GXYLT1: variants seen among roughly 807,000 people sequenced by gnomAD.
GXYLT1 encodes the protein glycosyltransferase 8 domain containing 3.
GXYLT1 carries 29 observed loss-of-function variants against 54.0 expected under a neutral mutation model. That is an observed-to-expected ratio of 0.54 (90% CI 0.40 to 0.73). GXYLT1 has a LOEUF of 0.73. GXYLT1 is among the 30% of genes least tolerant of loss of function. GXYLT1 has a pLI of 0.00. For synonymous variants in GXYLT1, 176 were observed against 204.1 expected, an observed-to-expected ratio of 0.86 and a Z score of 1.17; for missense variants, 490 against 553.4, an observed-to-expected ratio of 0.89 and a Z score of 1.15.
At chr12:42,097,000 T>C (rs1314919148) in intron 7 of GXYLT1, among the ~76,000 whole-genome samples, 1 of 152,074 alleles carries the variant, frequency 6.6e-6, no homozygotes, top group Admixed American at 6.6e-5. Flanking sequence ...GTGAAGAGGC[T>C]CTATTGTCCA....
intron 3 of GXYLT1, among the ~76,000 whole-genome samples, chr12:42,114,429 A>G (rs1255981358): frequency 5.9e-5 from 9 of 152,210 alleles, no homozygotes; most frequent in African/African-American, 1.4e-4. Context: ...TACACGCAAT[A>G]AAACATGATA....
chr12:42,096,311 G>T (rs2065355301), intron 7 of GXYLT1, among the ~76,000 whole-genome samples: 1 of 152,062 alleles, frequency 6.6e-6, no homozygotes, highest in South Asian at 2.1e-4. Context: ...CAACAGTAGG[G>T]CAGGGAAAGT....
At chr12:42,096,838 T>G (rs565304122) in intron 7 of GXYLT1, among the ~76,000 whole-genome samples, 1 of 152,030 alleles carries the variant, frequency 6.6e-6, no homozygotes, top group Admixed American at 6.6e-5. Context: ...ACATCACCAG[T>G]GAGGGGCAGA....
intron 1 of GXYLT1, among the ~76,000 whole-genome samples, chr12:42,139,126 G>T (rs749174833): frequency 6.6e-6 from 1 of 151,836 alleles, no homozygotes; most frequent in African/African-American, 2.4e-5. Context: ...AGCCCAGAAG[G>T]TCAAGGCTGC....
chr12:42,088,317 C>T (rs932654363), intron 7 of GXYLT1, among the ~76,000 whole-genome samples: 10 of 151,992 alleles, frequency 6.6e-5, no homozygotes, highest in Admixed American at 6.6e-4. Context: ...TTTTAAAAAC[C>T]ACTCTGGCAA....
At chr12:42,102,711 G>C (rs1468418728) in intron 5 of GXYLT1, among the ~76,000 whole-genome samples, 2 of 151,960 alleles carry the variant, frequency 1.3e-5, no homozygotes, top group Non-Finnish European at 2.9e-5. Flanking sequence ...ACAGGAAAAG[G>C]CTAAGAAATA....
At position 42,087,711 on chromosome 12, in the gene GXYLT1, T is replaced by C; in HGVS notation, c.*75A>G. The C allele has an allele frequency of 9.2e-7, 1 of 1,089,994 alleles. No individual in the cohort carries two copies. Among genetic ancestry groups the C allele is most frequent in the Non-Finnish European group, 1.3e-6 (1 of 771,230 alleles). 67.5% of individuals were successfully genotyped at this position (1,089,994 alleles called of 1,614,324 possible). ...GATGAGTAATTCCTTCCTGAATACT[T>C]CATCCAAGACGATTCCTTCACACTT... On this transcript the variant is annotated 3_prime_UTR_variant, in exon 8 of 8. Transcript: ENST00000398675.
intron 1 of GXYLT1, among the ~76,000 whole-genome samples, chr12:42,139,309 T>C (rs2065638702): frequency 6.6e-6 from 1 of 152,172 alleles, no homozygotes; most frequent in South Asian, 2.1e-4. Flanking sequence ...ATTACTAGTA[T>C]TTATTAATAT....
At chr12:42,107,867 T>C (rs1055265094) in intron 4 of GXYLT1, among the ~76,000 whole-genome samples, 1 of 152,184 alleles carries the variant, frequency 6.6e-6, no homozygotes, top group Admixed American at 6.5e-5. Flanking sequence ...AGCTTCAAGT[T>C]CAATGCTGGG....
rs1046759429 is a variant in GXYLT1 at position 42,109,666 on chromosome 12, G to A, written c.512C>T (p.Thr171Ile). The A allele has an allele frequency of 8.5e-6, 13 of 1,537,248 alleles. No homozygotes were observed. Among genetic ancestry groups the A allele is most frequent in the East Asian group, 7.0e-5 (3 of 42,958 alleles). Residue 171 changes from threonine (T) to isoleucine (I), a missense_variant, in exon 4 of 8, where the codon ACA (threonine) becomes ATA (isoleucine). Thr to Ile is a moderately conservative substitution (Grantham distance 89). Transcript: ENST00000398675. ...TATGGGGTATAACGTATAATTAAAT[G>A]TTTGTAGAAATGACCAGTTGTCAAG... ...GRLDNWSFLQ[T>I]FNYTLYPITF...
chr12:42,089,635 G>A (rs771454933), intron 7 of GXYLT1, among the ~76,000 whole-genome samples: 1 of 152,094 alleles, frequency 6.6e-6, no homozygotes, highest in African/African-American at 2.4e-5. Context: ...CCAGGATTCC[G>A]TCCCAACAGT....
At chr12:42,116,391 G>A (rs961286255) in intron 3 of GXYLT1, among the ~76,000 whole-genome samples, 5 of 151,966 alleles carry the variant, frequency 3.3e-5, no homozygotes, top group African/African-American at 1.2e-4. Flanking sequence ...TCTGACAAAG[G>A]GCTAATATCC....
chr12:42,100,827 C>T (rs1321250054), intron 5 of GXYLT1, among the ~76,000 whole-genome samples: 1 of 152,016 alleles, frequency 6.6e-6, no homozygotes, highest in Non-Finnish European at 1.5e-5. Flanking sequence ...ACAGACAGAA[C>T]TGGTGGAGCC....
intron 3 of GXYLT1, among the ~76,000 whole-genome samples, chr12:42,114,149 C>T (rs1616271): frequency 0.77 from 117,290 of 152,156 alleles, 45,587 homozygotes; most frequent in African/African-American, 0.85. Context: ...GGGAAATTTA[C>T]ACCACTAAAT....
At chr12:42,136,787 C>CATACATACATAT (rs1269851712) in intron 1 of GXYLT1, among the ~76,000 whole-genome samples, 2 of 151,912 alleles carry the variant, frequency 1.3e-5, no homozygotes, top group Non-Finnish European at 2.9e-5. Context: ...TACATACATA[C>CATACATACATAT]AAACAAACAC....
chr12:42,136,086 G>GT (rs2136919877), intron 1 of GXYLT1, among the ~76,000 whole-genome samples: 1 of 152,286 alleles, frequency 6.6e-6, no homozygotes, highest in Admixed American at 6.5e-5. Context: ...TTTGTTTATA[G>GT]TTTTTTAACT....
chr12:42,100,372 T>C (rs890837254), intron 5 of GXYLT1, among the ~76,000 whole-genome samples: 3 of 152,190 alleles, frequency 2.0e-5, no homozygotes, highest in Admixed American at 6.5e-5. Flanking sequence ...GTGTACTTAA[T>C]ATATTTCTCT....
At chr12:42,135,893 G>GA in intron 1 of GXYLT1, among the ~76,000 whole-genome samples, 1 of 152,214 alleles carries the variant, frequency 6.6e-6, no homozygotes, top group Middle Eastern at 3.4e-3. Flanking sequence ...AATTGGATAG[G>GA]AAAAATCAAG....
chr12:42,114,376 A>C lies in GXYLT1; in HGVS notation c.486+4624T>G, dbSNP rs566531381. On this transcript the variant is annotated intron_variant, in intron 3 of 7. Transcript: ENST00000398675. Reference sequence around the variant, plus strand: ...TGAAAAGATCAACAAAACTGATAGAACGCTAGCAAGACTAACAAAGAAGAA... The same window carrying C: ...TGAAAAGATCAACAAAACTGATAGACCGCTAGCAAGACTAACAAAGAAGAA... 6.6e-5 allele frequency among the ~76,000 whole-genome samples: 10 copies of C among 152,146 alleles called. No homozygotes were observed. The South Asian group carries it at 2.1e-3, about 32-fold the overall frequency.
Sources: allele counts gnomAD v4.1 joint callset (sites outside exome capture counted in the v4.1 genomes callset), GRCh38; gene constraint gnomAD v4.1.1; transcripts MANE v1.5; gene names NCBI Gene and HGNC (gene_info 2026-07-23, HGNC 2026-07-21).